CDKAL1: variants seen among roughly 807,000 people sequenced by gnomAD.
CDKAL1 encodes threonylcarbamoyladenosine tRNA methylthiotransferase.
A neutral mutation model predicts 68.2 loss-of-function variants in CDKAL1; 32 were observed. That is an observed-to-expected ratio of 0.47 (90% CI 0.35 to 0.63). The LOEUF is 0.63. Among genes scored for constraint, CDKAL1 ranks in the 30% least tolerant of loss-of-function variants. The pLI, the probability that CDKAL1 is intolerant of heterozygous loss-of-function variation, is 0.00. For missense variants in CDKAL1, 606 were observed against 696.7 expected (o/e 0.87, Z 1.47); for synonymous variants, 234 against 244.3 (o/e 0.96, Z 0.39).
intron 11 of CDKAL1, among the ~76,000 whole-genome samples, chr6:21,058,312 T>G (rs562057292): frequency 6.6e-6 from 1 of 152,360 alleles, no homozygotes; most frequent in African/African-American, 2.4e-5. Flanking sequence ...AAAATCTGTT[T>G]TGTCATAAAC....
intron 5 of CDKAL1, among the ~76,000 whole-genome samples, chr6:20,725,112 C>T (rs909443325): frequency 4.6e-5 from 7 of 152,152 alleles, no homozygotes; most frequent in African/African-American, 1.7e-4. Flanking sequence ...CTGATATATT[C>T]TGGAGTTTCC....
intron 11 of CDKAL1, among the ~76,000 whole-genome samples, chr6:21,056,551 C>T (rs1003431237): frequency 3.9e-5 from 6 of 152,132 alleles, no homozygotes; most frequent in African/African-American, 1.4e-4. Flanking sequence ...CCAGAACTTC[C>T]AATACTATGT....
At chr6:21,123,868 T>G (rs1774852727) in intron 13 of CDKAL1, among the ~76,000 whole-genome samples, 1 of 152,258 alleles carries the variant, frequency 6.6e-6, no homozygotes, top group African/African-American at 2.4e-5. Context: ...GCACTAGGGC[T>G]TAGAACAACA....
chr6:20,875,900 G>C (rs980372105), intron 9 of CDKAL1, among the ~76,000 whole-genome samples: 3 of 152,138 alleles, frequency 2.0e-5, no homozygotes, highest in African/African-American at 4.8e-5. Flanking sequence ...AGGCTTACTA[G>C]CTTAAATAGC....
In CDKAL1 at chr6:20,849,775, T is replaced by C. The variant is rs75950869; in HGVS notation, c.742+3597T>C. ...TATGAAAAACTGCTCTGTAGATAGA[T>C]GTTTAGTATGACAGTTACCTTTCAT... On this transcript the variant is annotated intron_variant, in intron 9 of 15. Coordinates refer to ENST00000274695, the MANE Select transcript of CDKAL1 (RefSeq NM_017774.3). Among the ~76,000 whole-genome samples, 383 of 152,312 alleles carry C rather than the reference T, an allele frequency of 2.5e-3. 1 individual carries two copies. The East Asian group carries it at 0.029, about 11-fold the overall frequency.
At chr6:20,958,390 A>G (rs1384507384) in intron 10 of CDKAL1, among the ~76,000 whole-genome samples, 1 of 152,194 alleles carries the variant, frequency 6.6e-6, no homozygotes, top group Non-Finnish European at 1.5e-5. Flanking sequence ...CATCGTATGT[A>G]ACAGAAAAGG....
At chr6:21,219,442 T>C (rs1392084595) in intron 15 of CDKAL1, among the ~76,000 whole-genome samples, 1 of 152,220 alleles carries the variant, frequency 6.6e-6, no homozygotes, top group Non-Finnish European at 1.5e-5. Context: ...TTGTGGTCAG[T>C]TGAACTTGTG....
At chr6:21,154,550 GCAATGGTGTAA>G (rs1398473096) in intron 13 of CDKAL1, among the ~76,000 whole-genome samples, 1 of 152,114 alleles carries the variant, frequency 6.6e-6, no homozygotes, top group Non-Finnish European at 1.5e-5. Flanking sequence ...AGTTTCTGAA[GCAATGGTGTAA>G]CTAGGTCTTT....
At chr6:21,125,743 T>A (rs576892660) in intron 13 of CDKAL1, among the ~76,000 whole-genome samples, 3 of 152,364 alleles carry the variant, frequency 2.0e-5, no homozygotes, top group Non-Finnish European at 4.4e-5. Flanking sequence ...CAGTTCTTTA[T>A]AGCAGTGTGA....
At chr6:20,779,693 T>G (rs991372774) in intron 7 of CDKAL1, among the ~76,000 whole-genome samples, 5 of 152,238 alleles carry the variant, frequency 3.3e-5, no homozygotes, top group African/African-American at 9.6e-5. Flanking sequence ...CAAGTGATTC[T>G]CTTGTCTCAC....
chr6:20,776,469 G>T (rs1203849120), intron 7 of CDKAL1, among the ~76,000 whole-genome samples: 1 of 152,158 alleles, frequency 6.6e-6, no homozygotes, highest in Non-Finnish European at 1.5e-5. Flanking sequence ...GGCTATGACT[G>T]ATGGTGTTAT....
chr6:20,972,892 A>G (rs934663320), intron 10 of CDKAL1, among the ~76,000 whole-genome samples: 3 of 152,196 alleles, frequency 2.0e-5, no homozygotes, highest in Non-Finnish European at 4.4e-5. Flanking sequence ...TCAACTGGGC[A>G]TATTAGCAGT....
At chr6:20,694,250 C>T (rs1369378964) in intron 5 of CDKAL1, among the ~76,000 whole-genome samples, 1 of 152,126 alleles carries the variant, frequency 6.6e-6, no homozygotes, top group Non-Finnish European at 1.5e-5. Context: ...CTATGTTGCC[C>T]AGGCTGGATC....
intron 5 of CDKAL1, among the ~76,000 whole-genome samples, chr6:20,679,744 A>G (rs1770288615): frequency 6.6e-6 from 1 of 152,220 alleles, no homozygotes; most frequent in South Asian, 2.1e-4. Context: ...GACAACTCTG[A>G]TGCCAGTTGA....
chr6:20,813,464 G>A lies in CDKAL1; in HGVS notation c.638+32199G>A, dbSNP rs144814381. On this transcript the variant is annotated intron_variant, in intron 8 of 15. Coordinates refer to ENST00000274695, the MANE Select transcript of CDKAL1 (RefSeq NM_017774.3). ...AGCAACAGTTTTATATTTTGATAAA[G>A]TCCAGTTTATGATATTTTCAAGTAT... is the stretch of plus-strand genomic sequence containing the variant. Among the ~76,000 whole-genome samples the A allele has an allele frequency of 2.0e-5, 3 of 152,258 alleles. No individual in the cohort carries two copies. The East Asian group carries it at 5.8e-4, about 29-fold the overall frequency.
At chr6:20,704,565 TAGG>T (rs1471653470) in intron 5 of CDKAL1, among the ~76,000 whole-genome samples, 21 of 151,974 alleles carry the variant, frequency 1.4e-4, no homozygotes, top group Non-Finnish European at 2.6e-4. Flanking sequence ...GGGAGAATGG[TAGG>T]AGATGAGTTT....
intron 4 of CDKAL1, among the ~76,000 whole-genome samples, chr6:20,569,336 C>T (rs1764605469): frequency 6.6e-6 from 1 of 152,146 alleles, no homozygotes; most frequent in African/African-American, 2.4e-5. Context: ...AAAATAGGCA[C>T]ATTGTTCTTT....
intron 11 of CDKAL1, among the ~76,000 whole-genome samples, chr6:21,038,350 T>A (rs1263776759): frequency 1.3e-5 from 2 of 152,208 alleles, no homozygotes; most frequent in African/African-American, 4.8e-5. Flanking sequence ...AACTGCAATG[T>A]GTGGGATATG....
At chr6:21,145,757 G>A (rs548184930) in intron 13 of CDKAL1, among the ~76,000 whole-genome samples, 8 of 152,190 alleles carry the variant, frequency 5.3e-5, no homozygotes, top group East Asian at 1.9e-4. Flanking sequence ...AAAATTCACC[G>A]GGCCTGGTGG....
Sources: gnomAD v4.1 joint callset for allele counts (sites outside exome capture counted in the v4.1 genomes callset) on GRCh38, gnomAD v4.1.1 for gene constraint, MANE v1.5 for transcripts, NCBI Gene and HGNC (gene_info 2026-07-23, HGNC 2026-07-21) for gene names.